The following ASCC2 variants were observed in gnomAD, a reference collection of about 807,000 sequenced individuals.
The protein encoded by ASCC2 is ASC-1 complex subunit P100.
Under a neutral mutation model 93.5 loss-of-function variants are expected in ASCC2, and 42 were observed. That is an observed-to-expected ratio of 0.45 (90% CI 0.35 to 0.58). ASCC2 has a LOEUF of 0.58. ASCC2 is among the 20% of genes least tolerant of loss of function. The probability of loss-of-function intolerance (pLI) is 0.00; values close to 1 mark genes in which losing one functional copy is unlikely to be tolerated. For synonymous variants in ASCC2, 364 were observed against 384.2 expected (o/e 0.95, Z 0.62); for missense variants, 859 against 977.6 (o/e 0.88, Z 1.62).
intron 1 of ASCC2, among the ~76,000 whole-genome samples, chr22:29,837,106 C>T (rs1006094935): frequency 6.6e-6 from 1 of 152,098 alleles, no homozygotes; most frequent in African/African-American, 2.4e-5. Context: ...TCAAGGAAGA[C>T]CTGAGTTTTT....
intron 5 of ASCC2, chr22:29,816,614 G>A (rs1333201559): frequency 6.6e-6 from 1 of 152,298 alleles, no homozygotes; most frequent in Non-Finnish European, 1.5e-5. Flanking sequence ...TCCAAGGTGA[G>A]AGGCCTGAGA....
rs2060506139 is a variant in ASCC2, at chr22:29,813,504, G to A, written c.759C>T (p.Cys253=). ...KDIVLYLCDT[C]TTLWAFLDIF... ...TATCCAGAAAGGCCCAAAGTGTGGT[G>A]CAGGTATCACAAAGGTAGAGAACAA... Residue 253 remains cysteine (C), a synonymous_variant, in exon 8 of 20, where the codon TGC becomes TGT. Transcript: ENST00000307790. The A allele has an allele frequency of 8.1e-6, 13 of 1,614,008 alleles. No individual in the cohort carries two copies. The highest frequency in any genetic ancestry group is 2.2e-5 in the East Asian group (1 of 44,900).
intron 13 of ASCC2, among the ~76,000 whole-genome samples, chr22:29,802,594 A>C (rs947690313): frequency 6.6e-6 from 1 of 152,070 alleles, no homozygotes; most frequent in African/African-American, 2.4e-5. Context: ...TGAGCTCAGG[A>C]GTTAGACCAG....
At chr22:29,816,474 C>T (rs918351237) in intron 5 of ASCC2, among the ~76,000 whole-genome samples, 6 of 152,218 alleles carry the variant, frequency 3.9e-5, no homozygotes, top group Admixed American at 3.9e-4. Context: ...GATAGGATCT[C>T]TTTGCTCAAG....
At chr22:29,821,906 G>A (rs1005458855) in intron 5 of ASCC2, 4 of 447,008 alleles carry the variant, frequency 8.9e-6, no homozygotes, top group African/African-American at 8.2e-5. Context: ...GGCTGAGTTG[G>A]GGGGATAGCT....
chr22:29,816,052 G>A lies in ASCC2; in HGVS notation c.563C>T (p.Pro188Leu). ...TTCATCCAGGTCACTGTAGTAACTT[G>A]GCTGCTGTGTAAAGATGTTTCCTAA... is the stretch of plus-strand genomic sequence containing the variant. ...KMIGNIFTQQ[P>L]SYYSDLDETL... Residue 188 changes from proline (P) to leucine (L), a missense_variant, in exon 6 of 20, where the codon CCA (proline) becomes CTA (leucine). Pro to Leu is a moderately conservative substitution (Grantham distance 98). Transcript: ENST00000307790. 6.3e-7 allele frequency: 1 copy of A among 1,599,342 alleles called. No homozygotes were observed. Among genetic ancestry groups the A allele is most frequent in the Non-Finnish European group, 8.5e-7 (1 of 1,172,462 alleles).
chr22:29,833,442 G>C (rs1160603341), intron 1 of ASCC2: 1 of 363,114 alleles, frequency 2.8e-6, no homozygotes, highest in Non-Finnish European at 5.4e-6. Context: ...GGACATGGAA[G>C]AAGGGAAGAA....
rs1334067419 is a variant in ASCC2, at chr22:29,814,779, A to G, written c.610-12T>C. The G allele has an allele frequency of 6.2e-7, 1 of 1,603,736 alleles. No homozygotes were observed. The highest frequency in any genetic ancestry group is 2.3e-5 in the East Asian group (1 of 44,440). On this transcript the variant is annotated splice_polypyrimidine_tract_variant and intron_variant, in intron 6 of 19. Coordinates refer to ENST00000307790, the MANE Select transcript of ASCC2 (RefSeq NM_032204.5). ...ATATTGCTGAAGACCTGTGAAAGAC[A>G]AGAACGGGCTCTCTCACATCATACT... is the stretch of plus-strand genomic sequence containing the variant.
chr22:29,828,121 G>A (rs192768606), intron 2 of ASCC2, among the ~76,000 whole-genome samples: 248 of 152,344 alleles, frequency 1.6e-3, no homozygotes, highest in African/African-American at 5.5e-3. Context: ...ATAGCACCTG[G>A]AGGATAAGGG....
intron 14 of ASCC2, among the ~76,000 whole-genome samples, chr22:29,801,332 C>T (rs750542782): frequency 2.6e-5 from 4 of 152,244 alleles, no homozygotes; most frequent in African/African-American, 7.2e-5. Flanking sequence ...CCCCCTCATT[C>T]TCTGCATGCC....
chr22:29,802,640 A>C (rs547497910), intron 13 of ASCC2, among the ~76,000 whole-genome samples: 1 of 152,126 alleles, frequency 6.6e-6, no homozygotes, highest in Admixed American at 6.5e-5. Flanking sequence ...CTGTTCAAAA[A>C]ATTTAAAAAA....
At chr22:29,807,976 A>T in intron 9 of ASCC2, 135 bp downstream of exon 9, 1 of 787,640 alleles carries the variant, frequency 1.3e-6, no homozygotes, top group Non-Finnish European at 2.1e-6. Context: ...ATAGGGATGC[A>T]GAAGCTCAAA....
At position 29,806,202 on chromosome 22, in the gene ASCC2, T is replaced by C. The variant is rs764559192; in HGVS notation, c.1160+14A>G. The C allele has an allele frequency of 2.3e-5, 37 of 1,613,194 alleles. No homozygotes were observed. Among genetic ancestry groups the C allele is most frequent in the Admixed American group, 1.7e-4 (10 of 59,986 alleles). ...AGCTGGGCCCTGTCGTAGTGGGCTA[T>C]GGTAGAAGGATACAAGACTGATGAG... On this transcript the variant is annotated intron_variant, in intron 12 of 19. Coordinates refer to ENST00000307790, the MANE Select transcript of ASCC2 (RefSeq NM_032204.5).
chr22:29,835,955 A>C (rs944039183), intron 1 of ASCC2, among the ~76,000 whole-genome samples: 2 of 152,152 alleles, frequency 1.3e-5, no homozygotes, highest in African/African-American at 4.8e-5. Flanking sequence ...GGAAAAGGTG[A>C]CATTCCAAGC....
chr22:29,815,938 C>T, intron 6 of ASCC2, 68 bp downstream of exon 6: 2 of 1,346,970 alleles, frequency 1.5e-6, no homozygotes, highest in East Asian at 4.9e-5. Flanking sequence ...TCAGGCAACA[C>T]CATTGAGTTG....
At position 29,838,203 on chromosome 22, in the gene ASCC2, T is replaced by TGCCGCCGCCGCCGCCGCC. The variant is rs3838960; in HGVS notation, c.-61_-44dup. ...CTCGGCGGCTCCACCACCGGCTCTG[T>TGCCGCCGCCGCCGCCGCC]GCCGCCGCCGCCGCCGCCGCCGCCG... On this transcript the variant is annotated 5_prime_UTR_variant, in exon 1 of 20. Transcript: ENST00000307790. The TGCCGCCGCCGCCGCCGCC allele has an allele frequency of 4.2e-3, 1,924 of 458,388 alleles. 163 individuals carry two copies. Among genetic ancestry groups the TGCCGCCGCCGCCGCCGCC allele is most frequent in the South Asian group, 0.014 (895 of 64,366 alleles). 28.4% of individuals were successfully genotyped at this position (458,388 alleles called of 1,614,324 possible). A position where few individuals can be genotyped will look rare whatever the true frequency, so the allele number is the denominator to read the frequency against.
chr22:29,793,743 G>T, intron 15 of ASCC2, 67 bp from the exon 16 acceptor site: 1 of 1,456,186 alleles, frequency 6.9e-7, no homozygotes, highest in South Asian at 1.2e-5. Context: ...GGGTACGGAG[G>T]GTCCAGAGAC....
intron 6 of ASCC2, among the ~76,000 whole-genome samples, chr22:29,815,464 A>C (rs1441643338): frequency 6.6e-6 from 1 of 152,178 alleles, no homozygotes; most frequent in Non-Finnish European, 1.5e-5. Flanking sequence ...AATAAGACAA[A>C]TCAACAGTGA....
chr22:29,790,575 T>C (rs750395578), intron 18 of ASCC2, 27 bp from the exon 19 acceptor site: 25 of 1,609,302 alleles, frequency 1.6e-5, no homozygotes, highest in Non-Finnish European at 2.1e-5. Flanking sequence ...AGACCAAATC[T>C]GGAGTCAGGA....
Sources: gnomAD v4.1 joint callset for allele counts (sites outside exome capture counted in the v4.1 genomes callset) on GRCh38, gnomAD v4.1.1 for gene constraint, MANE v1.5 for transcripts, NCBI Gene and HGNC (gene_info 2026-07-23, HGNC 2026-07-21) for gene names.